Variants in NRXN3 observed in about 807,000 individuals in gnomAD.
NRXN3 encodes the protein neurexin 3.
In NRXN3, 32 loss-of-function variants were observed where a neutral mutation model predicts 137.6. The ratio of observed to expected loss-of-function variants is 0.23; its 90% CI spans 0.18 to 0.31. The LOEUF is 0.31. Ranked by LOEUF, NRXN3 falls within the 10% of genes least tolerant of loss-of-function variation. The pLI is 1.00. For missense variants in NRXN3, 1,574 were observed against 2,062.5 expected, an observed-to-expected ratio of 0.76 and a Z score of 4.59; for synonymous variants, 798 against 784.5, an observed-to-expected ratio of 1.02 and a Z score of -0.29.
At chr14:79,303,418 A>C (rs1420409645) in intron 15 of NRXN3, among the ~76,000 whole-genome samples, 1 of 152,092 alleles carries the variant, frequency 6.6e-6, no homozygotes, top group East Asian at 1.9e-4. Context: ...TGCCTTGTGC[A>C]GGAAGTGAGG....
At chr14:78,385,174 T>TA (rs1035147179) in intron 4 of NRXN3, among the ~76,000 whole-genome samples, 4 of 151,598 alleles carry the variant, frequency 2.6e-5, no homozygotes, top group African/African-American at 4.8e-5. Flanking sequence ...CACACACAAA[T>TA]AAAAAAAATG....
chr14:79,332,280 G>T (rs895933921), intron 15 of NRXN3, among the ~76,000 whole-genome samples: 1 of 152,150 alleles, frequency 6.6e-6, no homozygotes, highest in African/African-American at 2.4e-5. Flanking sequence ...CTTCTAACTG[G>T]TTTGCCTGCC....
intron 10 of NRXN3, among the ~76,000 whole-genome samples, chr14:78,888,204 T>C (rs2099148987): frequency 6.6e-6 from 1 of 152,100 alleles, no homozygotes; most frequent in South Asian, 2.1e-4. Context: ...TTAGGAAACA[T>C]TGGTGAACAA....
At chr14:78,805,981 G>A (rs1232533632) in intron 9 of NRXN3, among the ~76,000 whole-genome samples, 1 of 151,218 alleles carries the variant, frequency 6.6e-6, no homozygotes, top group Non-Finnish European at 1.5e-5. Context: ...ATTTCTAGAA[G>A]CATTATTTTT....
At chr14:78,458,961 G>A (rs1428073528) in intron 4 of NRXN3, among the ~76,000 whole-genome samples, 1 of 152,160 alleles carries the variant, frequency 6.6e-6, no homozygotes, top group African/African-American at 2.4e-5. Flanking sequence ...TCTGAGATTC[G>A]ACCAATGATG....
chr14:79,154,961 C>T (rs909143003), intron 15 of NRXN3, among the ~76,000 whole-genome samples: 1 of 151,918 alleles, frequency 6.6e-6, no homozygotes, highest in Non-Finnish European at 1.5e-5. Context: ...TTACTTCTCT[C>T]TTTATGTTCC....
chr14:79,070,949 C>T (rs73320845), intron 15 of NRXN3, among the ~76,000 whole-genome samples: 6,623 of 152,098 alleles, frequency 0.044, 527 homozygotes, highest in African/African-American at 0.15. Context: ...ACGATGTAGC[C>T]GTAGTGTATT....
chr14:79,410,607 C>T (rs1345317159), intron 15 of NRXN3, among the ~76,000 whole-genome samples: 1 of 151,930 alleles, frequency 6.6e-6, no homozygotes, highest in African/African-American at 2.4e-5. Flanking sequence ...GTTATGTGAC[C>T]TTGAGCAAAT....
intron 16 of NRXN3, among the ~76,000 whole-genome samples, chr14:79,504,039 A>G (rs1010599633): frequency 6.6e-6 from 1 of 152,212 alleles, no homozygotes; most frequent in Non-Finnish European, 1.5e-5. Context: ...GTTCCACAAC[A>G]GTGTCCTGGT....
chr14:79,464,157 G>T (rs1443251033), intron 15 of NRXN3, among the ~76,000 whole-genome samples: 1 of 152,078 alleles, frequency 6.6e-6, no homozygotes, highest in Non-Finnish European at 1.5e-5. Context: ...TGGACTATGG[G>T]AGCATTCAGG....
At chr14:79,813,830 G>A (rs2099243241) in intron 20 of NRXN3, among the ~76,000 whole-genome samples, 1 of 151,962 alleles carries the variant, frequency 6.6e-6, no homozygotes, top group Non-Finnish European at 1.5e-5. Context: ...AAAGATAAGA[G>A]TCAGAAAAAA....
intron 15 of NRXN3, among the ~76,000 whole-genome samples, chr14:79,370,859 A>C (rs956912680): frequency 6.6e-6 from 1 of 152,178 alleles, no homozygotes; most frequent in Non-Finnish European, 1.5e-5. Flanking sequence ...TAAGAGTCTA[A>C]TATGTGCTAA....
intron 15 of NRXN3, chr14:79,074,751 C>A (rs1469185023): frequency 6.6e-6 from 1 of 152,254 alleles, no homozygotes; most frequent in Non-Finnish European, 1.5e-5. Flanking sequence ...TTCATTGCAG[C>A]TGGCATATCT....
chr14:78,453,581 G>A (rs1311953944), intron 4 of NRXN3, among the ~76,000 whole-genome samples: 1 of 152,194 alleles, frequency 6.6e-6, no homozygotes, highest in Non-Finnish European at 1.5e-5. Flanking sequence ...GCATAAGAAA[G>A]AGCATCCTAC....
Position 78,966,096 on chromosome 14 carries a change from T to C in NRXN3, c.2467T>C (p.Tyr823His). 1 of 1,614,164 alleles carries C rather than the reference T, an allele frequency of 6.2e-7. No homozygotes were observed. Among genetic ancestry groups the C allele is most frequent in the Non-Finnish European group, 8.5e-7 (1 of 1,180,014 alleles). Residue 823 changes from tyrosine to histidine, a missense_variant, in exon 12 of 21, where the codon TAC becomes CAC. Coordinates refer to ENST00000335750, the MANE Select transcript of NRXN3 (RefSeq NM_001330195.2). Reference protein sequence around the residue: ...IETGIMTEKRYISVVPSSFIG... With the variant: ...IETGIMTEKRHISVVPSSFIG... Reference sequence around the variant, plus strand: ...AACGGGAATCATGACTGAGAAACGCTACATCTCCGTTGTCCCCTCCAGCTT... The same window carrying C: ...AACGGGAATCATGACTGAGAAACGCCACATCTCCGTTGTCCCCTCCAGCTT...
chr14:78,738,358 A>T (rs951360333), intron 8 of NRXN3, among the ~76,000 whole-genome samples: 2 of 152,120 alleles, frequency 1.3e-5, no homozygotes, highest in African/African-American at 4.8e-5. Flanking sequence ...ATGTCAGCTC[A>T]CCCGTTCGAG....
At chr14:78,838,019 T>C (rs1258554694) in intron 10 of NRXN3, among the ~76,000 whole-genome samples, 1 of 152,168 alleles carries the variant, frequency 6.6e-6, no homozygotes, top group Non-Finnish European at 1.5e-5. Flanking sequence ...ATATTAATTA[T>C]ATAGATTAGA....
chr14:78,875,533 T>C (rs1230757570), intron 10 of NRXN3, among the ~76,000 whole-genome samples: 4 of 152,176 alleles, frequency 2.6e-5, no homozygotes, highest in Non-Finnish European at 4.4e-5. Context: ...TGAGAAATTA[T>C]AGAATATATG....
intron 8 of NRXN3, among the ~76,000 whole-genome samples, chr14:78,771,227 A>G (rs902161417): frequency 2.0e-5 from 3 of 152,310 alleles, no homozygotes; most frequent in Admixed American, 2.0e-4. Context: ...TGAGACAGCT[A>G]TTGGGAGGTT....
Sources: gnomAD v4.1 joint callset for allele counts (sites outside exome capture counted in the v4.1 genomes callset) on GRCh38, gnomAD v4.1.1 for gene constraint, MANE v1.5 for transcripts, NCBI Gene and HGNC (gene_info 2026-07-23, HGNC 2026-07-21) for gene names.